Variants in BRD3 observed in about 807,000 individuals in gnomAD.
The protein encoded by BRD3 is bromodomain-containing protein 3.
Under a neutral mutation model 66.8 loss-of-function variants are expected in BRD3, and 17 were observed. The ratio of observed to expected loss-of-function variants is 0.25; its 90% confidence interval spans 0.17 to 0.38. BRD3 has a LOEUF of 0.38. BRD3 is among the 10% of genes least tolerant of loss of function. BRD3 has a pLI of 1.00. For missense variants in BRD3, 713 were observed against 956.1 expected, an observed-to-expected ratio of 0.75 and a Z score of 3.35; for synonymous variants, 421 against 393.2, an observed-to-expected ratio of 1.07 and a Z score of -0.84.
chr9:134,068,232 G>A (rs1368272843), upstream of BRD3: 10 of 146,138 alleles, frequency 6.8e-5, no homozygotes, highest in African/African-American at 2.2e-4. Context: ...GGCCCGGGGG[G>A]CGCGCGGGGG....
intron 4 of BRD3, 27 bp from the exon 5 acceptor site, chr9:134,050,615 C>T: frequency 6.4e-7 from 1 of 1,568,370 alleles, no homozygotes; most frequent in Non-Finnish European, 8.7e-7. Context: ...GGATGTTCAA[C>T]ACACCAGGCT....
rs566573376 is a variant in BRD3, at chr9:134,061,255, G to A, written c.-114+6690C>T. ...TGGGGCAAACCAGCCAAGGGGCAGC[G>A]GCTGGACCATGGGGGCATCTCCAGC... is the stretch of plus-strand genomic sequence containing the variant. On this transcript the variant is annotated intron_variant, in intron 1 of 11. Coordinates refer to ENST00000303407, the MANE Select transcript of BRD3 (RefSeq NM_007371.4). Among the ~76,000 whole-genome samples, 14 of 152,372 alleles carry A rather than the reference G, an allele frequency of 9.2e-5. No homozygotes were observed. The South Asian group carries it at 1.9e-3, about 20-fold the overall frequency.
At chr9:134,067,175 C>A (rs1326336530) in intron 1 of BRD3, among the ~76,000 whole-genome samples, 3 of 152,252 alleles carry the variant, frequency 2.0e-5, no homozygotes, top group East Asian at 3.9e-4. Context: ...CCCGTCCCTC[C>A]CGCTCCAACT....
chr9:134,044,204 AC>A (rs1830119208), intron 7 of BRD3, among the ~76,000 whole-genome samples: 2 of 152,166 alleles, frequency 1.3e-5, no homozygotes, highest in South Asian at 4.2e-4. Context: ...CTCCAGGACC[AC>A]CCTGCCATCA....
At position 134,051,557 on chromosome 9, in the gene BRD3, T is replaced by C. The variant is rs573150254; in HGVS notation, c.499+5A>G. The C allele has an allele frequency of 5.2e-6, 8 of 1,541,238 alleles. No homozygotes were observed. The Admixed American group carries it at 1.9e-4, about 37-fold the overall frequency. Reference sequence around the variant, plus strand: ...CAGCCCCTCGCCTGCCCCAGCTCCCTTTACCTGCGCTCTGGGCTCCCGCAG... The same window carrying C: ...CAGCCCCTCGCCTGCCCCAGCTCCCCTTACCTGCGCTCTGGGCTCCCGCAG... On this transcript the variant is annotated splice_donor_5th_base_variant and intron_variant, in intron 4 of 11. Transcript: ENST00000303407.
intron 7 of BRD3, among the ~76,000 whole-genome samples, chr9:134,043,508 C>A (rs1232610434): frequency 6.6e-6 from 1 of 152,182 alleles, no homozygotes; most frequent in African/African-American, 2.4e-5. Flanking sequence ...AGAAGCCCAC[C>A]CCAGGCTCTC....
At chr9:134,035,564 A>C (rs1843591759) in intron 10 of BRD3, among the ~76,000 whole-genome samples, 1 of 152,118 alleles carries the variant, frequency 6.6e-6, no homozygotes, top group Non-Finnish European at 1.5e-5. Context: ...TTGTGACCCC[A>C]GTCAAAGGGA....
At chr9:134,043,507 C>CCCCAGGCTCTCATAT (rs1318632507) in intron 7 of BRD3, among the ~76,000 whole-genome samples, 1 of 152,200 alleles carries the variant, frequency 6.6e-6, no homozygotes, top group African/African-American at 2.4e-5. Context: ...GAGAAGCCCA[C>CCCCAGGCTCTCATAT]CCCAGGCTCT....
rs1285647819 is a variant in BRD3, at chr9:134,067,555, A to G, written c.-114+390T>C. On this transcript the variant is annotated intron_variant, in intron 1 of 11. Transcript: ENST00000303407. Reference sequence around the variant, plus strand: ...AAGATGGCGGGCGGAGGAAAGGGGGAAAAAAATCCCTTCCGTGAGGGAGGG... The same window carrying G: ...AAGATGGCGGGCGGAGGAAAGGGGGGAAAAAATCCCTTCCGTGAGGGAGGG... 4.8e-5 allele frequency among the ~76,000 whole-genome samples: 7 copies of G among 146,850 alleles called. No individual in the cohort carries two copies. The South Asian group carries it at 6.3e-4, about 13-fold the overall frequency.
At chr9:134,034,085 T>TCATGGGCCCTGTCTCGACACTGGGCAAA (rs1843559995) in intron 11 of BRD3, among the ~76,000 whole-genome samples, 1 of 152,012 alleles carries the variant, frequency 6.6e-6, no homozygotes, top group Non-Finnish European at 1.5e-5. Context: ...GCGGGCAGGG[T>TCATGGGCCCTGTCTCGACACTGGGCAAA]CATGGGCCCT....
intron 1 of BRD3, among the ~76,000 whole-genome samples, chr9:134,055,298 C>T (rs1428822742): frequency 6.6e-6 from 1 of 152,156 alleles, no homozygotes; most frequent in Non-Finnish European, 1.5e-5. Flanking sequence ...AGGGGCTCCA[C>T]GTGACTCAGA....
chr9:134,051,464 G>A (rs954612692), intron 4 of BRD3, 98 bp downstream of exon 4: 1 of 1,306,494 alleles, frequency 7.7e-7, no homozygotes, highest in Non-Finnish European at 1.0e-6. Flanking sequence ...ACGACAGATG[G>A]GAAACAGCTC....
At chr9:134,050,689 T>C in intron 4 of BRD3, 101 bp from the exon 5 acceptor site, 1 of 976,858 alleles carries the variant, frequency 1.0e-6, no homozygotes, top group East Asian at 2.6e-5. Context: ...ACCAGCTCTG[T>C]GCTGCCAAGA....
chr9:134,056,364 G>A (rs1004510364), intron 1 of BRD3, among the ~76,000 whole-genome samples: 1 of 152,230 alleles, frequency 6.6e-6, no homozygotes, highest in East Asian at 1.9e-4. Flanking sequence ...TGGCACACAC[G>A]GGCAGGCGAC....
Position 134,045,997 on chromosome 9 carries a change from C to A in BRD3, c.1087-576G>T, listed in dbSNP as rs1830157165. Among the ~76,000 whole-genome samples, 1 of 152,232 alleles carries A rather than the reference C, an allele frequency of 6.6e-6. No individual in the cohort carries two copies. Among genetic ancestry groups the A allele is most frequent in the African/African-American group, 2.4e-5 (1 of 41,462 alleles). On this transcript the variant is annotated intron_variant, in intron 6 of 11. Transcript: ENST00000303407. The surrounding 1 kb of genome is among the most constrained non-coding windows in gnomAD (Gnocchi z 4.8). Reference sequence around the variant, plus strand: ...GCTGTGTCCAGCGGCAGCTCCTGAACCCCACAGGGGTGGAGGCAACGGGGG... The same window carrying A: ...GCTGTGTCCAGCGGCAGCTCCTGAAACCCACAGGGGTGGAGGCAACGGGGG...
intron 9 of BRD3, among the ~76,000 whole-genome samples, chr9:134,038,131 G>A (rs1423825815): frequency 6.6e-6 from 1 of 152,154 alleles, no homozygotes. Context: ...GAAAACAGAA[G>A]AGGGGCAACA....
chr9:134,063,641 G>C (rs1830588438), intron 1 of BRD3, among the ~76,000 whole-genome samples: 1 of 152,154 alleles, frequency 6.6e-6, no homozygotes, highest in Non-Finnish European at 1.5e-5. Context: ...CTCACACGGA[G>C]GCTAAGGCCG....
At position 134,048,880 on chromosome 9, in the gene BRD3, A is replaced by T. The variant is rs113904053; in HGVS notation, c.715-426T>A. ...CTGGGAGGAACTCCCTGCTTCCAGG[A>T]AAGTTCCAGACAAGGGCCTGAGAGC... On this transcript the variant is annotated intron_variant, in intron 5 of 11. Transcript: ENST00000303407. Among the ~76,000 whole-genome samples, 995 of 152,312 alleles carry T rather than the reference A, an allele frequency of 6.5e-3. 17 individuals are homozygous for T. Among genetic ancestry groups the T allele is most frequent in the African/African-American group, 0.023 (950 of 41,566 alleles).
At position 134,040,273 on chromosome 9, in the gene BRD3, G is replaced by A; in HGVS notation, c.1408-4C>T. 6.3e-7 allele frequency: 1 copy of A among 1,591,762 alleles called. No individual in the cohort carries two copies. ...GCTGCTCGTGCACGGCCTTCAGCTG[G>A]AAAAGAGCGGGCGGCTGAGCAGGTG... On this transcript the variant is annotated splice_region_variant and splice_polypyrimidine_tract_variant and intron_variant, in intron 8 of 11. Transcript: ENST00000303407.
Sources: allele counts gnomAD v4.1 joint callset (sites outside exome capture counted in the v4.1 genomes callset), GRCh38; gene constraint gnomAD v4.1.1; non-coding constraint Gnocchi (gnomAD v3.1); transcripts MANE v1.5; gene names NCBI Gene and HGNC (gene_info 2026-07-23, HGNC 2026-07-21).